The following TBC1D16 variants were observed in gnomAD, a reference collection of about 807,000 sequenced individuals.
TBC1D16 encodes TBC1 domain family member 16, also known as CTD-2529O21.1.
A neutral mutation model predicts 74.7 loss-of-function variants in TBC1D16; 58 were observed. The ratio of observed to expected loss-of-function variants is 0.78; its 90% CI spans 0.63 to 0.97. TBC1D16 has a LOEUF of 0.97. Ranked by LOEUF, TBC1D16 falls within the 50% of genes least tolerant of loss-of-function variation. The probability of loss-of-function intolerance (pLI) is 0.00; values close to 1 mark genes in which losing one functional copy is unlikely to be tolerated. For synonymous variants in TBC1D16, 493 were observed against 474.7 expected, an observed-to-expected ratio of 1.04 and a Z score of -0.50; for missense variants, 1,014 against 1,079.5, an observed-to-expected ratio of 0.94 and a Z score of 0.85.
In TBC1D16 at chr17:79,941,677, C is replaced by T. The variant is rs1010855368; in HGVS notation, c.2055+383G>A. On this transcript the variant is annotated intron_variant, in intron 11 of 11. Transcript: ENST00000310924. The surrounding 1 kb of genome is among the most constrained non-coding windows in gnomAD (Gnocchi z 4.3). The stretch of plus-strand genomic sequence containing the variant: ...CAAGGTCCCCAGTATTCTGGCCACC[C>T]TGTCCCCAGGTCCAGCCTCCTTCTC... Among the ~76,000 whole-genome samples, 3 of 152,206 alleles carry T rather than the reference C, an allele frequency of 2.0e-5. No homozygotes were observed. Among genetic ancestry groups the T allele is most frequent in the African/African-American group, 7.2e-5 (3 of 41,456 alleles).
chr17:79,965,383 G>A (rs2033800168), intron 3 of TBC1D16, among the ~76,000 whole-genome samples: 1 of 151,898 alleles, frequency 6.6e-6, no homozygotes, highest in Non-Finnish European at 1.5e-5. Flanking sequence ...CGCCTGGCCT[G>A]TACTAATTTT....
rs1243404756 is a variant in TBC1D16, at chr17:80,001,828, T to C, written c.779+8332A>G. On this transcript the variant is annotated intron_variant, in intron 3 of 11. Coordinates refer to ENST00000310924, the MANE Select transcript of TBC1D16 (RefSeq NM_019020.4). The surrounding 1 kb of genome is among the most constrained non-coding windows in gnomAD (Gnocchi z 5.8). ...CTGCTGTCTCTTGCCCTGGACCCTCTCACATGCCCTTCCCTCCACCCCCCG... is the reference window on the plus strand; with the variant it reads ...CTGCTGTCTCTTGCCCTGGACCCTCCCACATGCCCTTCCCTCCACCCCCCG... 7.3e-6 allele frequency among the ~76,000 whole-genome samples: 1 copy of C among 137,816 alleles called. No homozygotes were observed. The highest frequency in any genetic ancestry group is 2.8e-5 in the African/African-American group (1 of 36,272). 90.4% of individuals were successfully genotyped at this position (137,816 alleles called of 152,430 possible).
intron 3 of TBC1D16, among the ~76,000 whole-genome samples, chr17:79,968,471 T>C (rs2033931924): frequency 6.6e-6 from 1 of 152,104 alleles, no homozygotes; most frequent in Non-Finnish European, 1.5e-5. Flanking sequence ...GAAGAAAACA[T>C]AGATACTTTG....
intron 3 of TBC1D16, among the ~76,000 whole-genome samples, chr17:79,957,637 C>T (rs2033396093): frequency 6.6e-6 from 1 of 152,114 alleles, no homozygotes; most frequent in African/African-American, 2.4e-5. Context: ...TGTCTTTATA[C>T]ATTTGTCCAG....
chr17:79,951,793 C>A (rs1227297158), intron 4 of TBC1D16, among the ~76,000 whole-genome samples, 196 bp from the exon 5 acceptor site: 1 of 152,164 alleles, frequency 6.6e-6, no homozygotes, highest in African/African-American at 2.4e-5. Flanking sequence ...CCGAAGATGG[C>A]AAAACTGCTC....
chr17:80,024,867 AT>A (rs2036492090), intron 1 of TBC1D16, among the ~76,000 whole-genome samples: 1 of 132,774 alleles, frequency 7.5e-6, no homozygotes, highest in Non-Finnish European at 1.5e-5. Flanking sequence ...AGATACATAC[AT>A]CACACACCAC....
chr17:80,001,343 C>T lies in TBC1D16; in HGVS notation c.779+8817G>A, dbSNP rs930876927. Among the ~76,000 whole-genome samples the T allele has an allele frequency of 1.3e-5, 2 of 152,228 alleles. No individual in the cohort carries two copies. The highest frequency in any genetic ancestry group is 2.9e-5 in the Non-Finnish European group (2 of 68,038). On this transcript the variant is annotated intron_variant, in intron 3 of 11. Transcript: ENST00000310924. This position sits in a 1 kb window ranked among gnomAD's most constrained non-coding sequence, Gnocchi z 5.8. ...AGAAACAAGACGAGATTAGTCTGAA[C>T]GACACACAGAACAGATTGCAGGGTG...
In TBC1D16 at chr17:80,021,869, CACACACACCATGACACACAA is replaced by C. The variant is rs1175452191; in HGVS notation, c.-62-8280_-62-8261del. Among the ~76,000 whole-genome samples the C allele has an allele frequency of 1.3e-5, 2 of 150,932 alleles. 1 individual carries two copies. Among genetic ancestry groups the C allele is most frequent in the African/African-American group, 5.0e-5 (2 of 40,200 alleles). ...ACACCCAGGCACACACACTATGACA[CACACACACCATGACACACAA>C]ACACACACCATGACACACACCATGA... On this transcript the variant is annotated intron_variant, in intron 1 of 11. Transcript: ENST00000310924.
At chr17:80,011,552 C>T (rs148017542) in intron 2 of TBC1D16, among the ~76,000 whole-genome samples, 151 of 152,218 alleles carry the variant, frequency 9.9e-4, no homozygotes, top group African/African-American at 3.6e-3. Context: ...TACAGCCAGG[C>T]GTGATGGCTC....
In TBC1D16 at chr17:79,940,451, C is replaced by T. The variant is rs966761940; in HGVS notation, c.*408G>A. On this transcript the variant is annotated 3_prime_UTR_variant, in exon 12 of 12. Transcript: ENST00000310924. This position sits in a 1 kb window ranked among gnomAD's most constrained non-coding sequence, Gnocchi z 5.4. ...GGACCCCGCTGTGTTCTGCAGCCCT[C>T]GACGCAGTGGGTGAGTGAGGCCTTC... The T allele has an allele frequency of 3.7e-5, 6 of 162,654 alleles. No individual in the cohort carries two copies. Among genetic ancestry groups the T allele is most frequent in the Admixed American group, 1.9e-4 (3 of 16,094 alleles). 10.1% of individuals were successfully genotyped at this position (162,654 alleles called of 1,614,324 possible). A position where few individuals can be genotyped will look rare whatever the true frequency, so the allele number is the denominator to read the frequency against.
Position 79,971,092 on chromosome 17 carries a change from G to A in TBC1D16, c.780-18274C>T, listed in dbSNP as rs977973687. Among the ~76,000 whole-genome samples the A allele has an allele frequency of 6.6e-5, 10 of 151,146 alleles. No homozygotes were observed. The highest frequency in any genetic ancestry group is 2.6e-4 in the Admixed American group (4 of 15,138). On this transcript the variant is annotated intron_variant, in intron 3 of 11. Coordinates refer to ENST00000310924, the MANE Select transcript of TBC1D16 (RefSeq NM_019020.4). This position sits in a 1 kb window ranked among gnomAD's most constrained non-coding sequence, Gnocchi z 4.6. ...GGCTGGAGTGCAGTGGCGCTATCTC[G>A]GCTCACTGCAACCTCCACCTCTCGG...
chr17:80,014,633 T>C (rs1269094458), intron 1 of TBC1D16, among the ~76,000 whole-genome samples: 1 of 152,032 alleles, frequency 6.6e-6, no homozygotes, highest in Non-Finnish European at 1.5e-5. Context: ...TCTCCTCCAA[T>C]GCGGGAGCAA....
rs113569010 is a variant in TBC1D16, at chr17:79,993,465, G to A, written c.779+16695C>T. ...GCCTTGCAGGTGTTTAGGGAACATT[G>A]TTCAGACTGGAAGGAAGAGCCACGT... is the stretch of plus-strand genomic sequence containing the variant. On this transcript the variant is annotated intron_variant, in intron 3 of 11. Transcript: ENST00000310924. This position sits in a 1 kb window ranked among gnomAD's most constrained non-coding sequence, Gnocchi z 5.1. 1.3e-5 allele frequency: 2 copies of A among 152,288 alleles called. No homozygotes were observed. Among genetic ancestry groups the A allele is most frequent in the African/African-American group, 4.8e-5 (2 of 41,506 alleles). The allele number at this position is 152,288 out of a possible 1,614,324, so 9.4% of individuals were successfully genotyped here.
At chr17:79,978,783 G>T (rs994080362) in intron 3 of TBC1D16, among the ~76,000 whole-genome samples, 6 of 152,174 alleles carry the variant, frequency 3.9e-5, no homozygotes, top group African/African-American at 7.2e-5. Flanking sequence ...GGAATCATTT[G>T]TTTTTCTTTT....
rs767953933 is a variant in TBC1D16 at position 79,983,346 on chromosome 17, C to T, written c.779+26814G>A. On this transcript the variant is annotated intron_variant, in intron 3 of 11. Transcript: ENST00000310924. This position sits in a 1 kb window ranked among gnomAD's most constrained non-coding sequence, Gnocchi z 5.6. The stretch of plus-strand genomic sequence containing the variant: ...AGGAGGTTGAGTGCACATTGCAGGG[C>T]CCAGGGGCCCCTCGGAGGGGCTCCT... 2.0e-5 allele frequency among the ~76,000 whole-genome samples: 3 copies of T among 152,176 alleles called. No individual in the cohort carries two copies. Among genetic ancestry groups the T allele is most frequent in the Non-Finnish European group, 4.4e-5 (3 of 68,024 alleles).
chr17:79,976,868 C>T (rs1239613587), intron 3 of TBC1D16, among the ~76,000 whole-genome samples: 1 of 152,136 alleles, frequency 6.6e-6, no homozygotes, highest in Non-Finnish European at 1.5e-5. Flanking sequence ...GTGGAGGCTG[C>T]TGCTCCATCC....
intron 3 of TBC1D16, among the ~76,000 whole-genome samples, chr17:79,997,009 A>C (rs150639609): frequency 7.2e-5 from 11 of 152,284 alleles, no homozygotes; most frequent in East Asian, 1.9e-4. Flanking sequence ...TCACAGGATG[A>C]TGCTGAACCA....
chr17:79,974,673 T>C (rs909601687), intron 3 of TBC1D16, among the ~76,000 whole-genome samples: 4 of 152,204 alleles, frequency 2.6e-5, no homozygotes, highest in Non-Finnish European at 5.9e-5. Context: ...GTTTCTTGGC[T>C]TCCTCCACCC....
In TBC1D16 at chr17:79,940,635, G is replaced by A. The variant is rs189250481; in HGVS notation, c.*224C>T. ...CGGTGGCTGCGCGTTCCACTGCAGCGTTTCAGGAGCTGACTTTCCTCTGGG... is the reference window on the plus strand; with the variant it reads ...CGGTGGCTGCGCGTTCCACTGCAGCATTTCAGGAGCTGACTTTCCTCTGGG... On this transcript the variant is annotated 3_prime_UTR_variant, in exon 12 of 12. Transcript: ENST00000310924. The surrounding 1 kb of genome is among the most constrained non-coding windows in gnomAD (Gnocchi z 5.4). The A allele has an allele frequency of 4.4e-5, 21 of 473,304 alleles. No homozygotes were observed. Among genetic ancestry groups the A allele is most frequent in the South Asian group, 7.6e-5 (1 of 13,142 alleles). 29.3% of individuals were successfully genotyped at this position (473,304 alleles called of 1,614,324 possible). A position where few individuals can be genotyped will look rare whatever the true frequency, so the allele number is the denominator to read the frequency against.
Sources: gnomAD v4.1 joint callset for allele counts (sites outside exome capture counted in the v4.1 genomes callset) on GRCh38, gnomAD v4.1.1 for gene constraint, Gnocchi (gnomAD v3.1) non-coding constraint, MANE v1.5 for transcripts, NCBI Gene and HGNC (gene_info 2026-07-23, HGNC 2026-07-21) for gene names.